The following RSF1 variants were observed in gnomAD, a reference collection of about 807,000 sequenced individuals.
RSF1 encodes the protein HBV pX-associated protein 8.
RSF1 carries 13 observed loss-of-function variants against 145.2 expected under a neutral mutation model. That is an observed-to-expected ratio of 0.09 (90% CI 0.06 to 0.14). The LOEUF is 0.14. Among genes scored for constraint, RSF1 ranks in the 10% least tolerant of loss-of-function variants. The pLI is 1.00. For missense variants in RSF1, 1,517 were observed against 1,718.2 expected (o/e 0.88, Z 2.07); for synonymous variants, 577 against 592.6 (o/e 0.97, Z 0.38).
chr11:77,790,502 T>C (rs530246406), intron 1 of RSF1, among the ~76,000 whole-genome samples: 9 of 152,214 alleles, frequency 5.9e-5, no homozygotes, highest in African/African-American at 1.9e-4. Context: ...AAACCAAACA[T>C]GCCTTCCCAA....
intron 2 of RSF1, among the ~76,000 whole-genome samples, chr11:77,753,057 A>G (rs1402888676): frequency 1.3e-5 from 2 of 152,270 alleles, no homozygotes; most frequent in Non-Finnish European, 2.9e-5. Context: ...TGTTTAGCAT[A>G]TAATCAAGAA....
At chr11:77,689,488 T>C (rs1489794342) in intron 9 of RSF1, among the ~76,000 whole-genome samples, 1 of 152,240 alleles carries the variant, frequency 6.6e-6, no homozygotes, top group Non-Finnish European at 1.5e-5. Flanking sequence ...TGTTCATCGG[T>C]ATAATCTCAA....
At chr11:77,681,284 C>T (rs1959852757) in intron 11 of RSF1, among the ~76,000 whole-genome samples, 1 of 152,120 alleles carries the variant, frequency 6.6e-6, no homozygotes, top group Non-Finnish European at 1.5e-5. Flanking sequence ...TATGTATTTT[C>T]ATATAAAATG....
chr11:77,694,558 A>G (rs987767627), intron 7 of RSF1, among the ~76,000 whole-genome samples: 113 of 152,346 alleles, frequency 7.4e-4, no homozygotes, highest in African/African-American at 2.5e-3. Context: ...CTTTTAAATA[A>G]TTTTAGATTT....
chr11:77,869,978 G>T, the RSF1 span: 1 of 582,008 alleles, frequency 1.7e-6, no homozygotes, highest in Non-Finnish European at 3.1e-6. Flanking sequence ...TGCCTCATCA[G>T]CGTTGGGCTC....
At chr11:77,779,009 A>G (rs1318046608) in intron 1 of RSF1, among the ~76,000 whole-genome samples, 5 of 152,110 alleles carry the variant, frequency 3.3e-5, no homozygotes, top group African/African-American at 1.2e-4. Context: ...CAGTGGTACT[A>G]TCTCAGCTCA....
chr11:77,863,411 G>A, the RSF1 span, among the ~76,000 whole-genome samples: 2 of 152,194 alleles, frequency 1.3e-5, no homozygotes, highest in African/African-American at 4.8e-5. Flanking sequence ...GACCAGAAGA[G>A]TGCAGTTGCA....
rs1402996807 is a variant in RSF1, at chr11:77,820,609, G to A, written c.106C>T (p.Leu36=). Reference sequence around the variant, plus strand: ...AACGGCAACTCAGGCAGGTCTAGCAGCGGCCCGTAGCGCTCCAAGAAGGAG... The same window carrying A: ...AACGGCAACTCAGGCAGGTCTAGCAACGGCCCGTAGCGCTCCAAGAAGGAG... ...VCSFLERYGP[L]LDLPELPFPE... is the part of the protein sequence containing the mutation. Residue 36 remains leucine (L), a synonymous_variant, in exon 1 of 16, where the codon CTG becomes TTG. Transcript: ENST00000308488. The A allele has an allele frequency of 2.6e-6, 4 of 1,566,616 alleles. No homozygotes were observed. Among genetic ancestry groups the A allele is most frequent in the South Asian group, 2.3e-5 (2 of 85,194 alleles).
intron 3 of RSF1, among the ~76,000 whole-genome samples, chr11:77,745,667 A>G (rs1163553905): frequency 6.6e-6 from 1 of 151,442 alleles, no homozygotes; most frequent in African/African-American, 2.4e-5. Flanking sequence ...ATTTTCATTG[A>G]TAGCTGGCTC....
intron 1 of RSF1, among the ~76,000 whole-genome samples, chr11:77,769,901 T>TAA (rs909588633): frequency 5.3e-5 from 8 of 152,206 alleles, no homozygotes; most frequent in African/African-American, 1.9e-4. Flanking sequence ...AGGCCATTGA[T>TAA]AAAAGAACAT....
chr11:77,786,691 T>C (rs1762727873), intron 1 of RSF1, among the ~76,000 whole-genome samples: 1 of 152,282 alleles, frequency 6.6e-6, no homozygotes, highest in Non-Finnish European at 1.5e-5. Flanking sequence ...ATCAAGATGG[T>C]GGGCTCACCC....
the RSF1 span, among the ~76,000 whole-genome samples, chr11:77,832,847 G>A: frequency 6.6e-6 from 1 of 151,596 alleles, no homozygotes. Context: ...TTTGGCACAA[G>A]GGACCAGTAT....
chr11:77,742,224 A>G (rs1237220813), intron 3 of RSF1, among the ~76,000 whole-genome samples: 3 of 152,114 alleles, frequency 2.0e-5, no homozygotes, highest in Non-Finnish European at 2.9e-5. Flanking sequence ...CCTCCATGTT[A>G]TTTTCCATAA....
In RSF1 at chr11:77,666,832, G is replaced by C. The variant is rs923192798; in HGVS notation, c.*85C>G. 2 of 1,194,554 alleles carry C rather than the reference G, an allele frequency of 1.7e-6. No homozygotes were observed. The highest frequency in any genetic ancestry group is 2.3e-6 in the Non-Finnish European group (2 of 870,426). 74.0% of individuals were successfully genotyped at this position (1,194,554 alleles called of 1,614,324 possible). A position where few individuals can be genotyped will look rare whatever the true frequency, so the allele number is the denominator to read the frequency against. On this transcript the variant is annotated 3_prime_UTR_variant, in exon 16 of 16. Transcript: ENST00000308488. ...AGTCATTCTGTAGTGGAGTTTTCTA[G>C]GAAAAATTAAACAGCTTTTAATAAC...
chr11:77,688,199 G>C (rs1960060273), intron 9 of RSF1, among the ~76,000 whole-genome samples: 1 of 152,184 alleles, frequency 6.6e-6, no homozygotes, highest in African/African-American at 2.4e-5. Context: ...GGCTGAGGCA[G>C]AAGAATCGCT....
At chr11:77,814,590 C>T (rs1206904551) in intron 1 of RSF1, among the ~76,000 whole-genome samples, 4 of 152,046 alleles carry the variant, frequency 2.6e-5, no homozygotes, top group Non-Finnish European at 5.9e-5. Flanking sequence ...GGATTACAGG[C>T]GCCTGACACC....
rs60704733 is a variant in RSF1, at chr11:77,809,827, T to A, written c.187+10701A>T. On this transcript the variant is annotated intron_variant, in intron 1 of 15. Coordinates refer to ENST00000308488, the MANE Select transcript of RSF1 (RefSeq NM_016578.4). The stretch of plus-strand genomic sequence containing the variant: ...CAAAAGCAAGTTAGAATGGATTATT[T>A]GGAATAACTCATTCTACCTAATTTT... Among the ~76,000 whole-genome samples, 272 of 152,364 alleles carry A rather than the reference T, an allele frequency of 1.8e-3. 2 individuals are homozygous for A. The highest frequency in any genetic ancestry group is 6.8e-3 in the Middle Eastern group (2 of 294).
chr11:77,668,222 G>A (rs553670327), intron 15 of RSF1, among the ~76,000 whole-genome samples: 2 of 151,734 alleles, frequency 1.3e-5, no homozygotes, highest in East Asian at 1.9e-4. Context: ...GACTGATCTC[G>A]AACTCCTGGC....
At chr11:77,692,201 C>A (rs1375654134) in intron 8 of RSF1, among the ~76,000 whole-genome samples, 3 of 125,672 alleles carry the variant, frequency 2.4e-5, no homozygotes, top group East Asian at 2.6e-4. Flanking sequence ...AAACTTTCAT[C>A]ATTTAAAAAA....
Sources: allele counts gnomAD v4.1 joint callset (sites outside exome capture counted in the v4.1 genomes callset), GRCh38; gene constraint gnomAD v4.1.1; transcripts MANE v1.5; gene names NCBI Gene and HGNC (gene_info 2026-07-23, HGNC 2026-07-21).